The following CNTN4 variants were observed in gnomAD, a reference collection of about 807,000 sequenced individuals.
CNTN4 encodes the protein contactin-4.
Under a neutral mutation model 122.5 loss-of-function variants are expected in CNTN4, and 77 were observed. The ratio of observed to expected loss-of-function variants is 0.63; its 90% CI spans 0.52 to 0.76. The LOEUF (loss-of-function observed/expected upper bound fraction) is 0.76, where lower values mean the gene tolerates loss of function less well. Ranked by LOEUF, CNTN4 falls within the 30% of genes least tolerant of loss-of-function variation. The pLI, the probability that CNTN4 is intolerant of heterozygous loss-of-function variation, is 0.00. For missense variants in CNTN4, 1,256 were observed against 1,259.1 expected (o/e 1.00, Z 0.04); for synonymous variants, 512 against 447.0 (o/e 1.15, Z -1.83).
intron 2 of CNTN4, among the ~76,000 whole-genome samples, chr3:2,209,935 C>T (rs978758914): frequency 2.0e-5 from 3 of 152,150 alleles, no homozygotes; most frequent in East Asian, 3.9e-4. Context: ...AAAAACTTTC[C>T]ATAAGTCCCC....
Position 3,037,115 on chromosome 3 carries a change from C to T in CNTN4, c.1943-64C>T, listed in dbSNP as rs1317381614. The T allele has an allele frequency of 7.1e-6, 11 of 1,559,188 alleles. No individual in the cohort carries two copies. The East Asian group carries it at 1.1e-4, about 16-fold the overall frequency. On this transcript the variant is annotated intron_variant, in intron 17 of 24. Transcript: ENST00000418658. ...TGGATGGATGTTCCTATCTTCCTAACGTAATCTCTGCATTTGTTTTCTGAG... is the reference window on the plus strand; with the variant it reads ...TGGATGGATGTTCCTATCTTCCTAATGTAATCTCTGCATTTGTTTTCTGAG...
At chr3:2,322,343 G>A (rs2043302194) in intron 2 of CNTN4, among the ~76,000 whole-genome samples, 1 of 151,990 alleles carries the variant, frequency 6.6e-6, no homozygotes, top group East Asian at 1.9e-4. Flanking sequence ...AACATAGGAC[G>A]GAATTTTATT....
chr3:2,814,141 G>A (rs1056003140), intron 6 of CNTN4, among the ~76,000 whole-genome samples: 1 of 152,160 alleles, frequency 6.6e-6, no homozygotes, highest in Non-Finnish European at 1.5e-5. Context: ...TTAGCACATG[G>A]CTGTTGGAAA....
At chr3:2,759,924 T>A (rs1023469554) in intron 6 of CNTN4, among the ~76,000 whole-genome samples, 9 of 152,218 alleles carry the variant, frequency 5.9e-5, no homozygotes, top group African/African-American at 1.9e-4. Context: ...ATTTCCCACA[T>A]GGCTAATGAT....
chr3:2,140,524 C>G (rs2034940207), intron 2 of CNTN4, among the ~76,000 whole-genome samples: 1 of 152,108 alleles, frequency 6.6e-6, no homozygotes, highest in Non-Finnish European at 1.5e-5. Context: ...GGCCTTCTTG[C>G]TATGTTCTCA....
chr3:2,796,036 T>C lies in CNTN4; in HGVS notation c.359-23450T>C, dbSNP rs533072372. On this transcript the variant is annotated intron_variant, in intron 6 of 24. Transcript: ENST00000418658. The stretch of plus-strand genomic sequence containing the variant: ...ATATCTGGAGAAAAGAACAGGATTT[T>C]TTATTCTCACAGAGAATTGTTGATT... Among the ~76,000 whole-genome samples the C allele has an allele frequency of 3.0e-4, 46 of 152,310 alleles. 1 individual carries two copies. In the South Asian group the frequency reaches 9.1e-3, roughly 30 times the overall value.
At chr3:2,773,224 G>A (rs1325149396) in intron 6 of CNTN4, among the ~76,000 whole-genome samples, 4 of 152,042 alleles carry the variant, frequency 2.6e-5, no homozygotes, top group Non-Finnish European at 4.4e-5. Flanking sequence ...GCTGAAGGGA[G>A]TGTAGAGTCA....
intron 2 of CNTN4, among the ~76,000 whole-genome samples, chr3:2,250,578 A>G (rs1277820605): frequency 6.6e-6 from 1 of 151,946 alleles, no homozygotes; most frequent in Non-Finnish European, 1.5e-5. Context: ...GACGATGCAT[A>G]TGATAATTAC....
At chr3:2,643,692 T>C (rs562110022) in intron 4 of CNTN4, among the ~76,000 whole-genome samples, 1 of 152,282 alleles carries the variant, frequency 6.6e-6, no homozygotes, top group Non-Finnish European at 1.5e-5. Flanking sequence ...TGATAGGAGC[T>C]ATAAAGGAGA....
intron 3 of CNTN4, among the ~76,000 whole-genome samples, chr3:2,384,564 C>A (rs1236388714): frequency 6.6e-6 from 1 of 152,188 alleles, no homozygotes; most frequent in African/African-American, 2.4e-5. Flanking sequence ...TTGTCAAAAA[C>A]AAATCTTAAG....
At chr3:2,777,301 T>G (rs571014080) in intron 6 of CNTN4, among the ~76,000 whole-genome samples, 1 of 152,334 alleles carries the variant, frequency 6.6e-6, no homozygotes, top group Non-Finnish European at 1.5e-5. Context: ...TCAGGTTAAT[T>G]ATGCTTCCCC....
At chr3:2,130,351 C>A (rs1419101631) in intron 2 of CNTN4, among the ~76,000 whole-genome samples, 1 of 152,140 alleles carries the variant, frequency 6.6e-6, no homozygotes, top group African/African-American at 2.4e-5. Context: ...ATTCTAATAT[C>A]AACCTTTGTT....
At chr3:2,665,741 C>A (rs966187920) in intron 4 of CNTN4, among the ~76,000 whole-genome samples, 1 of 152,156 alleles carries the variant, frequency 6.6e-6, no homozygotes, top group African/African-American at 2.4e-5. Context: ...CAATCAATCA[C>A]AGTGGGGCAA....
chr3:2,851,780 A>C (rs2093554542), intron 7 of CNTN4, among the ~76,000 whole-genome samples: 1 of 152,254 alleles, frequency 6.6e-6, no homozygotes, highest in Non-Finnish European at 1.5e-5. Flanking sequence ...GCACTGTAAA[A>C]GAAAAGATCA....
intron 14 of CNTN4, among the ~76,000 whole-genome samples, chr3:3,015,887 C>T (rs989890645): frequency 6.6e-6 from 1 of 152,184 alleles, no homozygotes; most frequent in Non-Finnish European, 1.5e-5. Flanking sequence ...CAGATGCAAT[C>T]ACACATTCCT....
intron 5 of CNTN4, among the ~76,000 whole-genome samples, chr3:2,740,447 T>A (rs151188392): frequency 6.6e-6 from 1 of 152,200 alleles, no homozygotes; most frequent in African/African-American, 2.4e-5. Context: ...ATAACATACA[T>A]GATAAAATTA....
intron 2 of CNTN4, among the ~76,000 whole-genome samples, chr3:2,120,274 CATT>C (rs2033633912): frequency 6.8e-6 from 1 of 146,360 alleles, no homozygotes. Flanking sequence ...AAAGGAGAAA[CATT>C]AGTTTCACAC....
chr3:2,560,133 C>A (rs914816535), intron 3 of CNTN4, among the ~76,000 whole-genome samples: 3 of 140,850 alleles, frequency 2.1e-5, no homozygotes, highest in Non-Finnish European at 4.7e-5. Flanking sequence ...TATTATTATT[C>A]TTTTTCTTTT....
At chr3:2,620,764 C>T (rs773962053) in intron 4 of CNTN4, among the ~76,000 whole-genome samples, 23 of 152,086 alleles carry the variant, frequency 1.5e-4, no homozygotes, top group Non-Finnish European at 2.8e-4. Flanking sequence ...ATATGCACAT[C>T]CCTGGACTCT....
Sources: gnomAD v4.1 joint callset for allele counts (sites outside exome capture counted in the v4.1 genomes callset) on GRCh38, gnomAD v4.1.1 for gene constraint, MANE v1.5 for transcripts, NCBI Gene and HGNC (gene_info 2026-07-23, HGNC 2026-07-21) for gene names.